Variants in ABR observed in about 807,000 individuals in gnomAD.
ABR encodes ABR activator of RhoGEF and GTPase, also known as active breakpoint cluster region-related protein.
ABR carries 35 observed loss-of-function variants against 107.2 expected under a neutral mutation model. The ratio of observed to expected loss-of-function variants is 0.33; its 90% CI spans 0.25 to 0.43. The LOEUF is 0.43. Among genes scored for constraint, ABR ranks in the 20% least tolerant of loss-of-function variants. The probability of loss-of-function intolerance (pLI) is 1.00; values close to 1 mark genes in which losing one functional copy is unlikely to be tolerated. For synonymous variants in ABR, 498 were observed against 462.0 expected (o/e 1.08, Z -1.00); for missense variants, 815 against 1,115.2 (o/e 0.73, Z 3.83).
chr17:1,009,492 C>A (rs192396550), intron 21 of ABR, among the ~76,000 whole-genome samples, 187 bp downstream of exon 21: 1 of 152,210 alleles, frequency 6.6e-6, no homozygotes, highest in African/African-American at 2.4e-5. Flanking sequence ...GGAAAGCAAA[C>A]TCTCACTCCC....
Position 1,210,592 on chromosome 17 carries a change from A to G in ABR, c.838+18201T>C, listed in dbSNP as rs1396112397. Reference sequence around the variant, plus strand: ...AGGTGTCACTCAGCTTCTCTGCACTATCGTCCAGGTGTCACTCAGCTTTCT... The same window carrying G: ...AGGTGTCACTCAGCTTCTCTGCACTGTCGTCCAGGTGTCACTCAGCTTTCT... On this transcript the variant is annotated intron_variant, in intron 1 of 22. Transcript: ENST00000574139. This position sits in a 1 kb window ranked among gnomAD's most constrained non-coding sequence, Gnocchi z 5.6. Among the ~76,000 whole-genome samples the G allele has an allele frequency of 6.6e-6, 1 of 152,152 alleles. No homozygotes were observed. The highest frequency in any genetic ancestry group is 1.5e-5 in the Non-Finnish European group (1 of 68,036).
intron 1 of ABR, among the ~76,000 whole-genome samples, chr17:1,204,166 C>G (rs1335696353): frequency 1.3e-5 from 2 of 152,152 alleles, no homozygotes; most frequent in Non-Finnish European, 2.9e-5. Flanking sequence ...TAATGTGGGC[C>G]GGGCGCGGTG....
chr17:1,108,848 T>C (rs1450066644), intron 2 of ABR: 13 of 1,428,648 alleles, frequency 9.1e-6, no homozygotes, highest in African/African-American at 3.0e-5. Context: ...CCGCGCGCTC[T>C]GCGCCCGCAT....
At position 1,010,714 on chromosome 17, in the gene ABR, C is replaced by T; in HGVS notation, c.2236+15G>A. 1 of 1,612,760 alleles carries T rather than the reference C, an allele frequency of 6.2e-7. No homozygotes were observed. Among genetic ancestry groups the T allele is most frequent in the Non-Finnish European group, 8.5e-7 (1 of 1,179,764 alleles). On this transcript the variant is annotated intron_variant, in intron 20 of 22. Transcript: ENST00000302538. The surrounding 1 kb of genome is among the most constrained non-coding windows in gnomAD (Gnocchi z 4.1). The stretch of plus-strand genomic sequence containing the variant: ...GTCTGGCCCAGCCCAGTCCTAGGAG[C>T]CCTCAGGGCCTCACCGATGCCCTCC...
At chr17:1,170,404 C>T (rs369541717) in intron 1 of ABR, among the ~76,000 whole-genome samples, 8 of 152,074 alleles carry the variant, frequency 5.3e-5, no homozygotes, top group Middle Eastern at 3.2e-3. Context: ...TTGTAGTCTG[C>T]GACCTTGAAT....
chr17:1,013,064 C>T (rs762996568), intron 17 of ABR, 41 bp downstream of exon 17: 5 of 1,609,596 alleles, frequency 3.1e-6, no homozygotes, highest in Non-Finnish European at 4.3e-6. Flanking sequence ...GACGTTCCAC[C>T]TCCCGGCTCA....
intron 1 of ABR, among the ~76,000 whole-genome samples, chr17:1,177,224 T>G (rs2041946871): frequency 6.6e-6 from 1 of 152,210 alleles, no homozygotes; most frequent in Non-Finnish European, 1.5e-5. Context: ...TAATTTAGGC[T>G]CTTGTCAAGA....
intron 2 of ABR, among the ~76,000 whole-genome samples, chr17:1,120,519 TCCA>T (rs2039300677): frequency 6.6e-6 from 1 of 152,164 alleles, no homozygotes; most frequent in South Asian, 2.1e-4. Context: ...TCTCAGGTGA[TCCA>T]CCCACCTCGG....
intron 1 of ABR, among the ~76,000 whole-genome samples, chr17:1,222,956 CT>C (rs56220422): frequency 0.5 from 75,495 of 151,466 alleles, 19,370 homozygotes; most frequent in Middle Eastern, 0.57. Flanking sequence ...AATCCCAGCA[CT>C]TTGGGAGTCC....
intron 16 of ABR, among the ~76,000 whole-genome samples, chr17:1,023,119 A>G (rs2663344): frequency 0.18 from 17,389 of 98,270 alleles, 1,751 homozygotes; most frequent in Middle Eastern, 0.29. Flanking sequence ...CACGTCCACT[A>G]CAGCGCCTCT....
intron 16 of ABR, among the ~76,000 whole-genome samples, chr17:1,048,291 G>T (rs185465304): frequency 6.6e-6 from 1 of 152,246 alleles, no homozygotes; most frequent in Non-Finnish European, 1.5e-5. Context: ...AACACGGGGC[G>T]TATGCGGCAG....
intron 7 of ABR, among the ~76,000 whole-genome samples, chr17:1,073,309 G>C (rs577153068): frequency 3.2e-4 from 48 of 151,512 alleles, no homozygotes; most frequent in African/African-American, 1.0e-3. Flanking sequence ...TCATCCCCCC[G>C]AGCAGCTGGG....
At chr17:1,089,985 T>C (rs191645657) in intron 4 of ABR, among the ~76,000 whole-genome samples, 4 of 152,196 alleles carry the variant, frequency 2.6e-5, no homozygotes, top group African/African-American at 9.6e-5. Context: ...ATGCAGTCCG[T>C]CCTCCTGGAA....
chr17:1,035,825 G>A (rs993255380), intron 16 of ABR, among the ~76,000 whole-genome samples: 18 of 150,054 alleles, frequency 1.2e-4, no homozygotes, highest in African/African-American at 3.4e-4. Flanking sequence ...GGCTGTCCCC[G>A]GGGAGACGTG....
At chr17:1,100,126 TAAAAAAAAAAA>T (rs59004026) in intron 3 of ABR, among the ~76,000 whole-genome samples, 96 of 110,182 alleles carry the variant, frequency 8.7e-4, no homozygotes, top group Middle Eastern at 4.9e-3. Context: ...AGCTCCGTCT[TAAAAAAAAAAA>T]AAAAAAAAAA....
Position 1,177,540 on chromosome 17 carries a change from G to A in ABR, c.61+2127C>T, listed in dbSNP as rs2041958042. On this transcript the variant is annotated intron_variant, in intron 1 of 22. Coordinates refer to ENST00000302538, the MANE Select transcript of ABR (RefSeq NM_021962.5). Reference sequence around the variant, plus strand: ...ATTCCTCTGGTCAGGAATTTTCAAGGTGGCCTCAGGCAATTTTGCTTTTTT... The same window carrying A: ...ATTCCTCTGGTCAGGAATTTTCAAGATGGCCTCAGGCAATTTTGCTTTTTT... Among the ~76,000 whole-genome samples, 3 of 152,198 alleles carry A rather than the reference G, an allele frequency of 2.0e-5. No homozygotes were observed. In the South Asian group the frequency reaches 6.2e-4, roughly 31 times the overall value.
intron 13 of ABR, among the ~76,000 whole-genome samples, chr17:1,056,731 A>G (rs2033320100): frequency 6.6e-6 from 1 of 152,068 alleles, no homozygotes; most frequent in Admixed American, 6.6e-5. Context: ...CTCTCTCATG[A>G]ATATATTAAC....
At chr17:1,065,742 CTTTTTTTTTT>C (rs56388222) in intron 10 of ABR, among the ~76,000 whole-genome samples, 6 of 116,346 alleles carry the variant, frequency 5.2e-5, no homozygotes, top group African/African-American at 2.0e-4. Flanking sequence ...CAAACCAATG[CTTTTTTTTTT>C]TTTTTTTTTT....
In ABR at chr17:1,037,530, A is replaced by T. The variant is rs2073288507; in HGVS notation, c.1791+12520T>A. 6.6e-6 allele frequency among the ~76,000 whole-genome samples: 1 copy of T among 152,156 alleles called. No homozygotes were observed. On this transcript the variant is annotated intron_variant, in intron 16 of 22. Transcript: ENST00000302538. This position sits in a 1 kb window ranked among gnomAD's most constrained non-coding sequence, Gnocchi z 4.6. Reference sequence around the variant, plus strand: ...ACATTTGGTCATGGAAAAGGGTGAAAAATGCACTTGAGCCTTTGGGAACAT... The same window carrying T: ...ACATTTGGTCATGGAAAAGGGTGAATAATGCACTTGAGCCTTTGGGAACAT...
Sources: allele counts gnomAD v4.1 joint callset (sites outside exome capture counted in the v4.1 genomes callset), GRCh38; gene constraint gnomAD v4.1.1; non-coding constraint Gnocchi (gnomAD v3.1); transcripts MANE v1.5; gene names NCBI Gene and HGNC (gene_info 2026-07-23, HGNC 2026-07-21).